The following DMD variants were observed in gnomAD, a reference collection of about 807,000 sequenced individuals.
DMD encodes dystrophin, also known as mutant dystrophin.
A neutral mutation model predicts 330.1 loss-of-function variants in DMD; 63 were observed. That is an observed-to-expected ratio of 0.19 (90% CI 0.16 to 0.24). The LOEUF (loss-of-function observed/expected upper bound fraction) is 0.24. DMD is among the 10% of genes least tolerant of loss of function. The pLI is 1.00. For synonymous variants in DMD, 1,223 were observed against 959.8 expected, an observed-to-expected ratio of 1.27 and a Z score of -5.07; for missense variants, 3,344 against 2,684.1, an observed-to-expected ratio of 1.25 and a Z score of -5.43.
At chrX:31,192,286 T>C (rs759144266) in intron 67 of DMD, among the ~76,000 whole-genome samples, 1 of 111,968 alleles carries the variant, frequency 8.9e-6, no homozygotes, top group Non-Finnish European at 1.9e-5. Context: ...ATGTAACAAA[T>C]AAAACAGAAG....
chrX:31,772,863 A>G (rs1172055035), intron 51 of DMD, among the ~76,000 whole-genome samples: 1 of 111,656 alleles, frequency 9.0e-6, no homozygotes, highest in Non-Finnish European at 1.9e-5. Flanking sequence ...ATCCATAACT[A>G]TATTGTGAAT....
At chrX:32,719,952 A>G (rs891594972) in intron 7 of DMD, among the ~76,000 whole-genome samples, 3 of 105,792 alleles carry the variant, frequency 2.8e-5, no homozygotes, top group African/African-American at 1.1e-4. Context: ...GACCTGACCC[A>G]TTAGAATTCA....
At chrX:33,176,435 AC>A (rs1268348826) in intron 1 of DMD, among the ~76,000 whole-genome samples, 88 of 101,805 alleles carry the variant, frequency 8.6e-4, no homozygotes, top group African/African-American at 3.0e-3. Flanking sequence ...AAAAAAAAAA[AC>A]CAGGTATACG....
chrX:31,669,358 A>G (rs908024254), intron 53 of DMD, among the ~76,000 whole-genome samples: 8 of 112,225 alleles, frequency 7.1e-5, no homozygotes, highest in African/African-American at 2.6e-4. Flanking sequence ...TTCCCCAATG[A>G]TTAGTGATGT....
rs144020344 is a variant in DMD, at chrX:31,777,577, T to C, written c.7310-3385A>G. ...GGCGATTATAATAGTACTTCCTTCA[T>C]AGACAACTGGCCTTACTTTTTCCTA... On this transcript the variant is annotated intron_variant, in intron 50 of 78. Coordinates refer to ENST00000357033, the MANE Select transcript of DMD (RefSeq NM_004006.3). Among the ~76,000 whole-genome samples, 7 of 110,944 alleles carry C rather than the reference T, an allele frequency of 6.3e-5. No individual in the cohort carries two copies. The East Asian group carries it at 1.7e-3, about 27-fold the overall frequency.
At chrX:32,939,739 T>C (rs1291975401) in intron 2 of DMD, among the ~76,000 whole-genome samples, 6 of 111,083 alleles carry the variant, frequency 5.4e-5, no homozygotes, top group Non-Finnish European at 1.1e-4. Flanking sequence ...CAAAAATCAG[T>C]AACATTTCTA....
chrX:32,438,133 T>A (rs752166837), intron 29 of DMD, 108 bp downstream of exon 29: 204 of 871,415 alleles, frequency 2.3e-4, no homozygotes, highest in Non-Finnish European at 2.9e-4. Flanking sequence ...CTCTGAAACC[T>A]GAAAGCTGAG....
At chrX:32,622,770 C>G (rs1040302541) in intron 11 of DMD, among the ~76,000 whole-genome samples, 10 of 111,321 alleles carry the variant, frequency 9.0e-5, no homozygotes, top group African/African-American at 3.3e-4. Context: ...TGGTGCCCCC[C>G]GGGGTCTTGA....
chrX:31,680,356 A>G (rs1432108463), intron 52 of DMD, among the ~76,000 whole-genome samples: 1 of 110,316 alleles, frequency 9.1e-6, no homozygotes, highest in Non-Finnish European at 1.9e-5. Context: ...TAAGTGTATT[A>G]GAAACTTCTT....
At chrX:31,659,580 G>A (rs1298921788) in intron 53 of DMD, among the ~76,000 whole-genome samples, 2 of 96,064 alleles carry the variant, frequency 2.1e-5, no homozygotes, top group African/African-American at 7.8e-5. Flanking sequence ...GGAAGTTGCA[G>A]TGAGCCAAGA....
intron 26 of DMD, among the ~76,000 whole-genome samples, chrX:32,449,325 T>A (rs900031698): frequency 4.5e-5 from 5 of 110,294 alleles, no homozygotes; most frequent in Non-Finnish European, 9.5e-5. Flanking sequence ...ACAAGATCAT[T>A]CCATAATCAT....
intron 2 of DMD, among the ~76,000 whole-genome samples, chrX:33,006,109 T>C (rs1383806925): frequency 1.8e-5 from 2 of 111,499 alleles, no homozygotes; most frequent in Non-Finnish European, 3.8e-5. Context: ...ACTAAATGAA[T>C]GGTGAAATAT....
intron 4 of DMD, among the ~76,000 whole-genome samples, chrX:32,833,976 T>A (rs1415360629): frequency 9.0e-6 from 1 of 111,156 alleles, no homozygotes; most frequent in East Asian, 2.8e-4. Flanking sequence ...CATGCTGCAA[T>A]TTAAGAGTAG....
rs868794355 is a variant in DMD, at chrX:31,343,624, A to T, written c.9163+4932T>A. ...GTGTGTGTGTGTGTGTGTGTGAGAG[A>T]GAGAGAGAGAGAGAGTGCACACACG... On this transcript the variant is annotated intron_variant, in intron 61 of 78. Transcript: ENST00000357033. Among the ~76,000 whole-genome samples, 415 of 107,461 alleles carry T rather than the reference A, an allele frequency of 3.9e-3. 5 individuals are homozygous for T. The highest frequency in any genetic ancestry group is 0.016 in the East Asian group (53 of 3,307). The allele number at this position is 107,461 out of a possible 115,157, so 93.3% of individuals were successfully genotyped here.
chrX:32,655,631 G>C (rs1286852401), intron 9 of DMD, among the ~76,000 whole-genome samples: 1 of 111,989 alleles, frequency 8.9e-6, no homozygotes, highest in Admixed American at 9.5e-5. Context: ...TAGGGGTGGA[G>C]AGTTCTGTAG....
chrX:32,075,595 C>T (rs963666641), intron 44 of DMD, among the ~76,000 whole-genome samples: 2 of 111,602 alleles, frequency 1.8e-5, no homozygotes, highest in African/African-American at 6.5e-5. Flanking sequence ...CAAGTTCCTA[C>T]AGATTCTCAA....
At chrX:32,082,295 C>T (rs2096397369) in intron 44 of DMD, among the ~76,000 whole-genome samples, 1 of 110,902 alleles carries the variant, frequency 9.0e-6, no homozygotes, top group Admixed American at 9.6e-5. Flanking sequence ...CAGGAGGGAG[C>T]ACAGCTCACC....
At position 31,607,793 on chromosome X, in the gene DMD, C is replaced by A. The variant is rs772503926; in HGVS notation, c.8217+19880G>T. Among the ~76,000 whole-genome samples the A allele has an allele frequency of 1.2e-4, 14 of 112,244 alleles. No homozygotes were observed. The Admixed American group carries it at 1.3e-3, about 11-fold the overall frequency. On this transcript the variant is annotated intron_variant, in intron 55 of 78. Transcript: ENST00000357033. Reference sequence around the variant, plus strand: ...AAATCCATTGCCTGGTTTTCTTCAGCTGACATCTATTTTTATGTAGACGGT... The same window carrying A: ...AAATCCATTGCCTGGTTTTCTTCAGATGACATCTATTTTTATGTAGACGGT...
chrX:33,275,872 G>A (rs1342674217), intron 1 of DMD, among the ~76,000 whole-genome samples: 3 of 111,622 alleles, frequency 2.7e-5, no homozygotes, highest in Non-Finnish European at 5.6e-5. Flanking sequence ...ATATATGCAT[G>A]CATCTCTGTG....
Sources: gnomAD v4.1 joint callset for allele counts (sites outside exome capture counted in the v4.1 genomes callset) on GRCh38, gnomAD v4.1.1 for gene constraint, MANE v1.5 for transcripts, NCBI Gene and HGNC (gene_info 2026-07-23, HGNC 2026-07-21) for gene names.